Variants in MYO3A observed in about 807,000 individuals in gnomAD.
The protein encoded by MYO3A is myosin-IIIa.
In MYO3A, 180 loss-of-function variants were observed where a neutral mutation model predicts 192.7. The observed-to-expected ratio is 0.93, with a 90% CI of 0.83 to 1.06. The LOEUF is 1.06. MYO3A is among the 50% of genes least tolerant of loss of function. MYO3A has a pLI of 0.00. For synonymous variants in MYO3A, 628 were observed against 645.3 expected, an observed-to-expected ratio of 0.97 and a Z score of 0.41; for missense variants, 1,896 against 1,905.0, an observed-to-expected ratio of 1.00 and a Z score of 0.09.
Position 26,193,281 on chromosome 10 carries a change from T to A in MYO3A, c.4515T>A (p.Pro1505=), listed in dbSNP as rs1368882349. 1 of 1,613,822 alleles carries A rather than the reference T, an allele frequency of 6.2e-7. No individual in the cohort carries two copies. Among genetic ancestry groups the A allele is most frequent in the South Asian group, 1.1e-5 (1 of 91,016 alleles). ...RPRKPKTLNN[P]EDSTYYYLLH... ...GGAAACCCAAAACATTAAATAACCCTGAAGACTCCACATACTATTATCTAC... is the reference window on the plus strand; with the variant it reads ...GGAAACCCAAAACATTAAATAACCCAGAAGACTCCACATACTATTATCTAC... The change falls in exon 32 of 35, where the codon CCT becomes CCA. Residue 1505 remains proline (P), a synonymous_variant. Transcript: ENST00000642920.
At chr10:26,087,206 G>A (rs180790151) in intron 14 of MYO3A, among the ~76,000 whole-genome samples, 1 of 152,258 alleles carries the variant, frequency 6.6e-6, no homozygotes, top group African/African-American at 2.4e-5. Context: ...CCAGCCCAAA[G>A]CATTTTAAAG....
At chr10:26,026,098 T>A (rs1842526214) in intron 9 of MYO3A, among the ~76,000 whole-genome samples, 1 of 140,210 alleles carries the variant, frequency 7.1e-6, no homozygotes, top group South Asian at 2.1e-4. Flanking sequence ...TATGCAATAA[T>A]CCTTACTGGG....
chr10:25,981,950 G>A (rs1172338980), intron 4 of MYO3A, among the ~76,000 whole-genome samples: 1 of 152,198 alleles, frequency 6.6e-6, no homozygotes, highest in Non-Finnish European at 1.5e-5. Flanking sequence ...AAAAAACTGT[G>A]AGTCTGCTTG....
At chr10:26,111,635 T>C (rs751120640) in intron 17 of MYO3A, among the ~76,000 whole-genome samples, 2 of 152,214 alleles carry the variant, frequency 1.3e-5, no homozygotes, top group Non-Finnish European at 2.9e-5. Context: ...GCAGTCAGTG[T>C]CCTGGCTCTT....
chr10:26,039,110 G>A (rs757832424), intron 10 of MYO3A, among the ~76,000 whole-genome samples: 10 of 151,698 alleles, frequency 6.6e-5, no homozygotes, highest in Admixed American at 3.3e-4. Flanking sequence ...GCGTGATCTC[G>A]GCTCACCACA....
intron 10 of MYO3A, among the ~76,000 whole-genome samples, chr10:26,048,675 A>C (rs4370835): frequency 0.096 from 14,630 of 152,120 alleles, 797 homozygotes; most frequent in Non-Finnish European, 0.12. Flanking sequence ...GTATTTATTC[A>C]TATAGGTTTG....
At chr10:26,168,677 G>A (rs756932685) in intron 27 of MYO3A, 35 bp from the exon 28 acceptor site, 56 of 1,592,396 alleles carry the variant, frequency 3.5e-5, no homozygotes, top group Non-Finnish European at 4.6e-5. Flanking sequence ...ACATCTGTGT[G>A]CCATGGTTCT....
rs1192626083 is a variant in MYO3A, at chr10:26,174,129, C to T, written c.3865C>T (p.Leu1289Phe). The change falls in exon 30 of 35, where the codon CTT (leucine) becomes TTT (phenylalanine). Residue 1289 changes from leucine to phenylalanine, a missense_variant. By Grantham distance (22) the Leu-to-Phe change is conservative (BLOSUM62 0). Coordinates refer to ENST00000642920, the MANE Select transcript of MYO3A (RefSeq NM_017433.5). ...TSFKKTLEPTLSQRSIYQNAN... is the reference protein window; with the variant it reads ...TSFKKTLEPTFSQRSIYQNAN... The stretch of plus-strand genomic sequence containing the variant: ...CTTTAAAAAAACTTTGGAACCTACA[C>T]TTAGCCAAAGGTCAATTTATCAAAA... 2.5e-6 allele frequency: 4 copies of T among 1,614,176 alleles called. No homozygotes were observed. The highest frequency in any genetic ancestry group is 2.5e-6 in the Non-Finnish European group (3 of 1,180,032).
At chr10:26,210,505 C>G (rs1461775743) in intron 34 of MYO3A, among the ~76,000 whole-genome samples, 1 of 152,200 alleles carries the variant, frequency 6.6e-6, no homozygotes, top group African/African-American at 2.4e-5. Context: ...CTCACCTCCT[C>G]CTCCACAGGC....
intron 14 of MYO3A, among the ~76,000 whole-genome samples, chr10:26,080,146 C>A (rs537558896): frequency 6.6e-6 from 1 of 152,282 alleles, no homozygotes; most frequent in African/African-American, 2.4e-5. Flanking sequence ...TCTCTTCTTC[C>A]TCAGGGACAG....
At chr10:25,996,362 A>G in intron 4 of MYO3A, 128 bp from the exon 5 acceptor site, 6 of 723,730 alleles carry the variant, frequency 8.3e-6, no homozygotes, top group South Asian at 6.5e-5. Flanking sequence ...GAAAGCATAA[A>G]GATAATGGCA....
At chr10:25,994,227 T>C (rs1840267634) in intron 4 of MYO3A, among the ~76,000 whole-genome samples, 1 of 151,260 alleles carries the variant, frequency 6.6e-6, no homozygotes, top group Non-Finnish European at 1.5e-5. Context: ...TTTAGGATAG[T>C]TAGCTCTTCT....
At chr10:26,045,067 G>T (rs145133641) in intron 10 of MYO3A, among the ~76,000 whole-genome samples, 3 of 152,132 alleles carry the variant, frequency 2.0e-5, no homozygotes, top group African/African-American at 7.2e-5. Flanking sequence ...GCAATGCTGA[G>T]CCTGGCCAGC....
rs765271639 is a variant in MYO3A, at chr10:26,176,796, G to T, written c.4389G>T (p.Ser1463=). ...TGAAGTCACTTTATCTGGGTGTCTC[G>T]CACCATAAGCCAATTAATAGACGAG... ...QQLKSLYLGV[S]HHKPINRRVS... is the part of the protein sequence containing the mutation. Residue 1463 remains serine (S), a synonymous_variant, in exon 31 of 35, where the codon TCG becomes TCT. Transcript: ENST00000642920. The T allele has an allele frequency of 1.2e-6, 2 of 1,614,072 alleles. No individual in the cohort carries two copies. The highest frequency in any genetic ancestry group is 1.7e-6 in the Non-Finnish European group (2 of 1,179,966).
intron 7 of MYO3A, among the ~76,000 whole-genome samples, chr10:26,019,217 CTATTTATT>C (rs201592333): frequency 0.077 from 10,680 of 139,388 alleles, 588 homozygotes; most frequent in African/African-American, 0.14. Context: ...TCTGGTTATT[CTATTTATT>C]TATTTATTTA....
At chr10:26,195,316 C>G (rs1843354336) in intron 32 of MYO3A, among the ~76,000 whole-genome samples, 1 of 152,280 alleles carries the variant, frequency 6.6e-6, no homozygotes, top group Non-Finnish European at 1.5e-5. Context: ...GTTTCTGTTT[C>G]TCTCCATGCT....
chr10:26,140,584 T>A (rs1840096275), intron 20 of MYO3A, among the ~76,000 whole-genome samples: 1 of 150,872 alleles, frequency 6.6e-6, no homozygotes, highest in South Asian at 2.1e-4. Flanking sequence ...CTCGGGAGGC[T>A]GAAGCAGGTA....
chr10:26,069,499 CTTA>C (rs1390233430), intron 12 of MYO3A, among the ~76,000 whole-genome samples: 2 of 152,016 alleles, frequency 1.3e-5, no homozygotes, highest in African/African-American at 4.8e-5. Flanking sequence ...ACTCCAGAAA[CTTA>C]TTTAATACTG....
intron 4 of MYO3A, among the ~76,000 whole-genome samples, chr10:25,968,206 A>G (rs1309708528): frequency 6.6e-6 from 1 of 152,222 alleles, no homozygotes; most frequent in African/African-American, 2.4e-5. Flanking sequence ...GGGGTCATAG[A>G]TAAGAATGGC....
Sources: gnomAD v4.1 joint callset for allele counts (sites outside exome capture counted in the v4.1 genomes callset) on GRCh38, gnomAD v4.1.1 for gene constraint, MANE v1.5 for transcripts, NCBI Gene and HGNC (gene_info 2026-07-23, HGNC 2026-07-21) for gene names.